The following GRID2 variants were observed in gnomAD, a reference collection of about 807,000 sequenced individuals.
GRID2 encodes the protein glutamate receptor ionotropic, delta-2.
A neutral mutation model predicts 114.8 loss-of-function variants in GRID2; 33 were observed. The observed-to-expected ratio is 0.29, with a 90% CI of 0.22 to 0.38. The LOEUF is 0.38. Among genes scored for constraint, GRID2 ranks in the 10% least tolerant of loss-of-function variants. GRID2 has a pLI of 1.00. For missense variants in GRID2, 1,184 were observed against 1,257.7 expected, an observed-to-expected ratio of 0.94 and a Z score of 0.89; for synonymous variants, 505 against 449.9, an observed-to-expected ratio of 1.12 and a Z score of -1.55.
chr4:93,742,717 T>G (rs1269406847), intron 14 of GRID2, among the ~76,000 whole-genome samples: 1 of 152,162 alleles, frequency 6.6e-6, no homozygotes, highest in Admixed American at 6.6e-5. Context: ...GATGGCAACC[T>G]CAGTCAATAA....
At position 93,216,837 on chromosome 4, in the gene GRID2, C is replaced by T. The variant is rs777910257; in HGVS notation, c.889C>T (p.Arg297Trp). 19 of 1,612,474 alleles carry T rather than the reference C, an allele frequency of 1.2e-5. No homozygotes were observed. The highest frequency in any genetic ancestry group is 1.4e-5 in the Non-Finnish European group (17 of 1,178,742). The change falls in exon 6 of 16, where the codon CGG (arginine) becomes TGG (tryptophan). Residue 297 changes from arginine (R) to tryptophan (W), a missense_variant. Physicochemically the swap from Arg to Trp is moderately radical, Grantham distance 101. Around this residue, in one of 3 missense-constraint regions of GRID2, gnomAD observed 455 missense variants for 429.5 expected, o/e 1.06. Transcript: ENST00000282020. Reference sequence around the variant, plus strand: ...TCCAGTTCCCCAGAACATAAGTCAGCGGTGTTTCCGTGGCAACCATCGAAT... The same window carrying T: ...TCCAGTTCCCCAGAACATAAGTCAGTGGTGTTTCCGTGGCAACCATCGAAT... ...TFPVPQNISQRCFRGNHRISS... is the reference protein window; with the variant it reads ...TFPVPQNISQWCFRGNHRISS...
At chr4:93,688,849 T>G (rs897363100) in intron 14 of GRID2, among the ~76,000 whole-genome samples, 2 of 152,056 alleles carry the variant, frequency 1.3e-5, no homozygotes, top group South Asian at 2.1e-4. Flanking sequence ...AGTGACCAAT[T>G]TGTAACACTA....
At chr4:93,002,089 A>C (rs531196724) in intron 2 of GRID2, among the ~76,000 whole-genome samples, 1 of 151,858 alleles carries the variant, frequency 6.6e-6, no homozygotes, top group African/African-American at 2.4e-5. Flanking sequence ...TATACGTGGT[A>C]CAGCTACATT....
chr4:93,548,620 A>G (rs2149538655), intron 13 of GRID2, among the ~76,000 whole-genome samples: 1 of 152,328 alleles, frequency 6.6e-6, no homozygotes. Context: ...AATCAAAGCC[A>G]TAATCAGAAG....
intron 14 of GRID2, among the ~76,000 whole-genome samples, chr4:93,657,631 G>A (rs1272462600): frequency 6.6e-6 from 1 of 151,948 alleles, no homozygotes; most frequent in African/African-American, 2.4e-5. Flanking sequence ...AAGCGTAGAT[G>A]TAGGAGGAAA....
At chr4:92,719,406 T>G (rs1379218023) in intron 2 of GRID2, among the ~76,000 whole-genome samples, 2 of 152,164 alleles carry the variant, frequency 1.3e-5, no homozygotes, top group Non-Finnish European at 2.9e-5. Flanking sequence ...CCTTGTACGG[T>G]GATTTTCTTG....
Position 93,646,027 on chromosome 4 carries a change from A to G in GRID2, c.2360+19592A>G, listed in dbSNP as rs530581926. On this transcript the variant is annotated intron_variant, in intron 14 of 15. Transcript: ENST00000282020. ...AGAATTCATGTTTATTCATTCAATC[A>G]GTAAATATTTATTGAGCAGTTACTT... is the stretch of plus-strand genomic sequence containing the variant. Among the ~76,000 whole-genome samples, 23 of 152,338 alleles carry G rather than the reference A, an allele frequency of 1.5e-4. No homozygotes were observed. The Middle Eastern group carries it at 0.01, about 68-fold the overall frequency.
intron 14 of GRID2, among the ~76,000 whole-genome samples, chr4:93,728,387 A>G (rs1472935489): frequency 6.6e-6 from 1 of 152,178 alleles, no homozygotes; most frequent in Admixed American, 6.5e-5. Flanking sequence ...ATATTTGCTG[A>G]GGAGTGCTTT....
chr4:93,524,531 ATTTTTG>A (rs1730641032), intron 13 of GRID2, among the ~76,000 whole-genome samples: 1 of 151,854 alleles, frequency 6.6e-6, no homozygotes, highest in Non-Finnish European at 1.5e-5. Context: ...ATTAAGACTT[ATTTTTG>A]TTTTTAACAA....
intron 10 of GRID2, among the ~76,000 whole-genome samples, chr4:93,440,635 A>T (rs1003116452): frequency 6.6e-6 from 1 of 152,186 alleles, no homozygotes; most frequent in Admixed American, 6.5e-5. Flanking sequence ...ATATAAGTAC[A>T]AGAGGAAAAC....
intron 1 of GRID2, among the ~76,000 whole-genome samples, chr4:92,460,053 T>TATATATATATATATATAC (rs1032538170): frequency 0.021 from 2,042 of 99,390 alleles, 88 homozygotes; most frequent in South Asian, 0.033. Context: ...TATATATATA[T>TATATATATATATATATAC]ACACACACAA....
chr4:92,803,716 T>A (rs113774302), intron 2 of GRID2, among the ~76,000 whole-genome samples: 3 of 152,162 alleles, frequency 2.0e-5, no homozygotes, highest in African/African-American at 7.2e-5. Flanking sequence ...ACCCCAGGCA[T>A]GAAAGTAATT....
In GRID2 at chr4:93,657,731, G is replaced by A. The variant is rs566315793; in HGVS notation, c.2360+31296G>A. Among the ~76,000 whole-genome samples, 98 of 152,178 alleles carry A rather than the reference G, an allele frequency of 6.4e-4. 2 individuals are homozygous for A. In the South Asian group the frequency reaches 0.019, roughly 30 times the overall value. ...CTCAAACCACTAGTTCTATTTGTTC[G>A]TTTGTTTTCTGTGGCTGAGTTCTTA... On this transcript the variant is annotated intron_variant, in intron 14 of 15. Coordinates refer to ENST00000282020, the MANE Select transcript of GRID2 (RefSeq NM_001510.4).
At chr4:93,079,125 T>A (rs1729625528) in intron 2 of GRID2, among the ~76,000 whole-genome samples, 1 of 151,650 alleles carries the variant, frequency 6.6e-6, no homozygotes, top group Admixed American at 6.6e-5. Context: ...AACCATTTTT[T>A]AAACTCCAAA....
intron 1 of GRID2, among the ~76,000 whole-genome samples, chr4:92,415,773 T>TATATATATATAC (rs1553932682): frequency 1.5e-5 from 2 of 129,388 alleles, no homozygotes; most frequent in African/African-American, 6.3e-5. Flanking sequence ...TATATATATA[T>TATATATATATAC]ATATATATCA....
At chr4:92,805,637 A>C (rs1344223487) in intron 2 of GRID2, among the ~76,000 whole-genome samples, 26 of 151,964 alleles carry the variant, frequency 1.7e-4, no homozygotes, top group Admixed American at 1.7e-3. Context: ...TACGGTGTTT[A>C]AAGGAAGATG....
chr4:93,741,576 A>C (rs1262034573), intron 14 of GRID2, among the ~76,000 whole-genome samples: 1 of 152,172 alleles, frequency 6.6e-6, no homozygotes, highest in South Asian at 2.1e-4. Flanking sequence ...GGCACACATT[A>C]TTCTTAAATT....
intron 2 of GRID2, among the ~76,000 whole-genome samples, chr4:92,926,849 C>A (rs1052162012): frequency 4.6e-5 from 7 of 151,896 alleles, no homozygotes; most frequent in African/African-American, 1.7e-4. Flanking sequence ...CAATAACTAA[C>A]TCATTCCCAT....
intron 2 of GRID2, among the ~76,000 whole-genome samples, chr4:92,819,840 A>C (rs1266168365): frequency 1.3e-5 from 2 of 152,142 alleles, no homozygotes; most frequent in East Asian, 1.9e-4. Context: ...CAATAAGCTT[A>C]TAAATTATTA....
Sources: allele counts gnomAD v4.1 joint callset (sites outside exome capture counted in the v4.1 genomes callset), GRCh38; gene constraint gnomAD v4.1.1; regional missense constraint gnomAD v4.1.1; transcripts MANE v1.5; gene names NCBI Gene and HGNC (gene_info 2026-07-23, HGNC 2026-07-21).